Variants in RHEB observed in about 807,000 individuals in gnomAD.
RHEB encodes the protein GTP-binding protein Rheb.
Under a neutral mutation model 28.8 loss-of-function variants are expected in RHEB, and 2 were observed. The ratio of observed to expected loss-of-function variants is 0.07; its 90% CI spans 0.03 to 0.22. The LOEUF is 0.22. Ranked by LOEUF, RHEB falls within the 10% of genes least tolerant of loss-of-function variation. RHEB has a pLI of 1.00. For synonymous variants in RHEB, 69 were observed against 77.3 expected (o/e 0.89, Z 0.56); for missense variants, 76 against 219.9 (o/e 0.35, Z 4.14).
chr7:151,488,900 A>G (rs1802529149), intron 2 of RHEB, among the ~76,000 whole-genome samples: 1 of 152,226 alleles, frequency 6.6e-6, no homozygotes, highest in Non-Finnish European at 1.5e-5. Context: ...AAATGTATGT[A>G]TATATAGCTC....
intron 1 of RHEB, among the ~76,000 whole-genome samples, chr7:151,513,261 TG>T (rs1803022670): frequency 6.6e-6 from 1 of 152,242 alleles, no homozygotes; most frequent in South Asian, 2.1e-4. Flanking sequence ...CTTTTTTACT[TG>T]CAAGAATGAT....
At chr7:151,471,741 C>A (rs1802165098) in intron 4 of RHEB, 136 bp from the exon 5 acceptor site, 2 of 632,632 alleles carry the variant, frequency 3.2e-6, no homozygotes, top group South Asian at 4.4e-5. Context: ...ACACAAAGAA[C>A]TCCTGTTTTT....
chr7:151,498,575 C>T (rs567138739), intron 1 of RHEB, among the ~76,000 whole-genome samples: 132 of 152,174 alleles, frequency 8.7e-4, no homozygotes, highest in Middle Eastern at 6.8e-3. Flanking sequence ...TGCACTCCAG[C>T]CTGGGTGACA....
intron 1 of RHEB, among the ~76,000 whole-genome samples, chr7:151,501,520 A>C (rs1020103567): frequency 6.6e-6 from 1 of 152,226 alleles, no homozygotes; most frequent in Non-Finnish European, 1.5e-5. Flanking sequence ...TGGTGCAGTC[A>C]ATTTGGCAAG....
chr7:151,506,396 A>G (rs1234607738), intron 1 of RHEB, among the ~76,000 whole-genome samples: 2 of 152,094 alleles, frequency 1.3e-5, no homozygotes, highest in African/African-American at 4.8e-5. Flanking sequence ...GTTATTAGCT[A>G]TGTGACTTTG....
At chr7:151,492,522 C>T (rs1241712143) in intron 1 of RHEB, among the ~76,000 whole-genome samples, 1 of 150,538 alleles carries the variant, frequency 6.6e-6, no homozygotes, top group South Asian at 2.1e-4. Flanking sequence ...GAGGCTGAGG[C>T]AGGAGGATAG....
Position 151,468,491 on chromosome 7 carries a change from A to G in RHEB, c.463-1280T>C, listed in dbSNP as rs1395791183. Among the ~76,000 whole-genome samples, 1 of 152,152 alleles carries G rather than the reference A, an allele frequency of 6.6e-6. No individual in the cohort carries two copies. Among genetic ancestry groups the G allele is most frequent in the East Asian group, 1.9e-4 (1 of 5,196 alleles). On this transcript the variant is annotated intron_variant, in intron 7 of 7. Coordinates refer to ENST00000262187, the MANE Select transcript of RHEB (RefSeq NM_005614.4). The surrounding 1 kb of genome is among the most constrained non-coding windows in gnomAD (Gnocchi z 4.3). Reference sequence around the variant, plus strand: ...CCATGACCAGGAACCTGGCGCAGACACTTGGTGCTGCCTAGCCACCCGCCT... The same window carrying G: ...CCATGACCAGGAACCTGGCGCAGACGCTTGGTGCTGCCTAGCCACCCGCCT...
chr7:151,500,949 A>G (rs1043008932), intron 1 of RHEB, among the ~76,000 whole-genome samples: 1 of 152,138 alleles, frequency 6.6e-6, no homozygotes, highest in Non-Finnish European at 1.5e-5. Flanking sequence ...CTGCCACTGC[A>G]TACCAGCCTG....
intron 1 of RHEB, among the ~76,000 whole-genome samples, chr7:151,518,550 C>CT (rs1803122139): frequency 6.6e-6 from 1 of 152,148 alleles, no homozygotes; most frequent in South Asian, 2.1e-4. Context: ...TGAAGCGTGT[C>CT]TAAGTTCAAT....
intron 3 of RHEB, among the ~76,000 whole-genome samples, chr7:151,482,673 C>T (rs903418418): frequency 6.6e-6 from 1 of 152,180 alleles, no homozygotes; most frequent in African/African-American, 2.4e-5. Flanking sequence ...CCACAATAAA[C>T]AGAACAGCTG....
chr7:151,483,137 AAC>A (rs1802406769), intron 3 of RHEB, among the ~76,000 whole-genome samples: 5 of 152,226 alleles, frequency 3.3e-5, no homozygotes, highest in Admixed American at 2.0e-4. Context: ...CAAAGAGCCA[AAC>A]ACATTTATTT....
intron 1 of RHEB, among the ~76,000 whole-genome samples, chr7:151,495,782 C>G (rs1380894477): frequency 6.6e-6 from 1 of 152,132 alleles, no homozygotes; most frequent in Non-Finnish European, 1.5e-5. Flanking sequence ...AAAACCCTAT[C>G]TCTACAAAAA....
intron 6 of RHEB, among the ~76,000 whole-genome samples, chr7:151,471,128 T>G (rs1802154584): frequency 6.6e-6 from 1 of 152,252 alleles, no homozygotes; most frequent in Non-Finnish European, 1.5e-5. Context: ...AACCACTTGC[T>G]GCATAAATGA....
intron 2 of RHEB, among the ~76,000 whole-genome samples, chr7:151,488,581 C>T (rs996005306): frequency 6.6e-6 from 1 of 152,184 alleles, no homozygotes; most frequent in Non-Finnish European, 1.5e-5. Flanking sequence ...CGAAGGGCTC[C>T]TGCCCTGTGT....
intron 3 of RHEB, among the ~76,000 whole-genome samples, chr7:151,480,400 A>T (rs1802361775): frequency 6.6e-6 from 1 of 152,138 alleles, no homozygotes; most frequent in Admixed American, 6.5e-5. Flanking sequence ...AAGGAAAAAA[A>T]ACAAAACAAA....
At chr7:151,510,226 CAA>C (rs1475632945) in intron 1 of RHEB, among the ~76,000 whole-genome samples, 1 of 152,176 alleles carries the variant, frequency 6.6e-6, no homozygotes, top group African/African-American at 2.4e-5. Context: ...ACTTGATGAT[CAA>C]GTTAGCCCTG....
chr7:151,478,611 AG>A (rs1477766580), intron 3 of RHEB, among the ~76,000 whole-genome samples: 1 of 152,078 alleles, frequency 6.6e-6, no homozygotes, highest in Non-Finnish European at 1.5e-5. Flanking sequence ...GGTATAATGG[AG>A]GAAAGAGCCC....
chr7:151,479,526 C>CA (rs1287537284), intron 3 of RHEB, among the ~76,000 whole-genome samples: 3 of 151,646 alleles, frequency 2.0e-5, no homozygotes, highest in East Asian at 1.9e-4. Context: ...ACTCAAAATA[C>CA]AAAAAAACTA....
rs139842645 is a variant in RHEB at position 151,486,111 on chromosome 7, A to G, written c.125-1307T>C. 1.8e-4 allele frequency among the ~76,000 whole-genome samples: 27 copies of G among 152,334 alleles called. No homozygotes were observed. In the East Asian group the frequency reaches 4.8e-3, roughly 27 times the overall value. ...TGCATCCTGCACCGCTGGAGGTTTC[A>G]GTCCTTGTCAGCCAGGGTGCAGTCA... On this transcript the variant is annotated intron_variant, in intron 2 of 7. Transcript: ENST00000262187.
Sources: allele counts gnomAD v4.1 joint callset (sites outside exome capture counted in the v4.1 genomes callset), GRCh38; gene constraint gnomAD v4.1.1; non-coding constraint Gnocchi (gnomAD v3.1); transcripts MANE v1.5; gene names NCBI Gene and HGNC (gene_info 2026-07-23, HGNC 2026-07-21).